The following HEATR9 variants were observed in gnomAD, a reference collection of about 807,000 sequenced individuals.
HEATR9 encodes the protein protein HEATR9.
In HEATR9, 54 loss-of-function variants were observed where a neutral mutation model predicts 68.2. The observed-to-expected ratio is 0.79, with a 90% CI of 0.64 to 0.99. The LOEUF (loss-of-function observed/expected upper bound fraction) is 0.99. Ranked by LOEUF, HEATR9 falls within the 50% of genes least tolerant of loss-of-function variation. The pLI is 0.00. For missense variants in HEATR9, 662 were observed against 679.7 expected, an observed-to-expected ratio of 0.97 and a Z score of 0.29; for synonymous variants, 241 against 253.5, an observed-to-expected ratio of 0.95 and a Z score of 0.47.
chr17:35,855,865 G>C (rs1331704434), intron 13 of HEATR9, 115 bp from the exon 14 acceptor site: 2 of 881,382 alleles, frequency 2.3e-6, no homozygotes, highest in Non-Finnish European at 3.7e-6. Context: ...GGGAGATAGG[G>C]TTTCCCAGCT....
At chr17:35,859,308 T>A (rs1380440253) in intron 8 of HEATR9, among the ~76,000 whole-genome samples, 1 of 152,184 alleles carries the variant, frequency 6.6e-6, no homozygotes, top group Non-Finnish European at 1.5e-5. Context: ...TTAATTCCTG[T>A]CATTTAAAAG....
Position 35,863,559 on chromosome 17 carries a change from C to T in HEATR9, c.568G>A (p.Ala190Thr). Residue 190 changes from alanine to threonine, a missense_variant and splice_region_variant, in exon 7 of 15, where the codon GCC (alanine) becomes ACC (threonine). Coordinates refer to ENST00000604834, the MANE Select transcript of HEATR9 (RefSeq NM_152781.4). ...KFVMEALQQV[A>T]QTGPEKVKYE... Reference sequence around the variant, plus strand: ...TTCACTTTCTCTGGACCAGTTTGGGCCTAATTTAAGAGGCGGGTGGTAGGA... The same window carrying T: ...TTCACTTTCTCTGGACCAGTTTGGGTCTAATTTAAGAGGCGGGTGGTAGGA... 1.2e-6 allele frequency: 2 copies of T among 1,614,156 alleles called. No homozygotes were observed. Among genetic ancestry groups the T allele is most frequent in the Non-Finnish European group, 1.7e-6 (2 of 1,180,022 alleles).
intron 6 of HEATR9, 24 bp from the exon 7 acceptor site, chr17:35,863,583 G>A: frequency 6.2e-7 from 1 of 1,611,802 alleles, no homozygotes; most frequent in Non-Finnish European, 8.5e-7. Flanking sequence ...CGGGTGGTAG[G>A]AACATATAAT....
Position 35,868,887 on chromosome 17 carries a change from C to A in HEATR9, c.-145G>T. 4.5e-6 allele frequency: 3 copies of A among 659,478 alleles called. No individual in the cohort carries two copies. The highest frequency in any genetic ancestry group is 1.9e-5 in the South Asian group (1 of 51,376). The allele number at this position is 659,478 out of a possible 1,614,324, so 40.9% of individuals were successfully genotyped here. A position where few individuals can be genotyped will look rare whatever the true frequency, so the allele number is the denominator to read the frequency against. ...CTGGACTTCTGGAGGTAGAAGCTTCCAAGTGCTAAGCGACCAGGTTACTTT... is the reference window on the plus strand; with the variant it reads ...CTGGACTTCTGGAGGTAGAAGCTTCAAAGTGCTAAGCGACCAGGTTACTTT... On this transcript the variant is annotated 5_prime_UTR_variant, in exon 1 of 15. Coordinates refer to ENST00000604834, the MANE Select transcript of HEATR9 (RefSeq NM_152781.4).
At chr17:35,864,194 A>G in intron 6 of HEATR9, 52 bp downstream of exon 6, 1 of 1,498,776 alleles carries the variant, frequency 6.7e-7, no homozygotes, top group Non-Finnish European at 9.3e-7. Flanking sequence ...CATGCCACAC[A>G]TCTCAGACCC....
At chr17:35,861,968 G>T (rs546730352) in intron 8 of HEATR9, among the ~76,000 whole-genome samples, 2 of 151,650 alleles carry the variant, frequency 1.3e-5, no homozygotes, top group African/African-American at 4.8e-5. Context: ...AAGCATTTCT[G>T]CCTCAGCCTC....
At position 35,865,402 on chromosome 17, in the gene HEATR9, G is replaced by T; in HGVS notation, c.139-6C>A. On this transcript the variant is annotated splice_polypyrimidine_tract_variant and splice_region_variant and intron_variant, in intron 2 of 14. Coordinates refer to ENST00000604834, the MANE Select transcript of HEATR9 (RefSeq NM_152781.4). ...GGAAACTCTTCCTTTGGCATCTGGG[G>T]GTTGCAAGTGGCAGAACAGTCAGAG... is the stretch of plus-strand genomic sequence containing the variant. The T allele has an allele frequency of 6.2e-7, 1 of 1,611,580 alleles. No homozygotes were observed. Among genetic ancestry groups the T allele is most frequent in the African/African-American group, 1.3e-5 (1 of 74,928 alleles).
Position 35,865,261 on chromosome 17 carries a change from C to T in HEATR9, c.274G>A (p.Glu92Lys). The T allele has an allele frequency of 2.5e-6, 4 of 1,614,154 alleles. No individual in the cohort carries two copies. The highest frequency in any genetic ancestry group is 3.4e-6 in the Non-Finnish European group (4 of 1,180,022). The change falls in exon 3 of 15, where the codon GAA becomes AAA. Residue 92 changes from glutamate to lysine, a missense_variant. By Grantham distance (56) the Glu-to-Lys change is moderately conservative. Transcript: ENST00000604834. ...CTCAACATCTTCTCAGCCTCCCTTT[C>T]CTCTCGCTGATCATACAGGTCGTGC... ...HWHDLYDQRE[E>K]REAEKMLRKM...
intron 8 of HEATR9, chr17:35,861,058 A>T: frequency 1.2e-6 from 1 of 829,998 alleles, no homozygotes; most frequent in Non-Finnish European, 2.1e-6. Context: ...AAAAAAAAAG[A>T]AATGGTTACA....
rs140447781 is a variant in HEATR9, at chr17:35,856,827, T to C, written c.1153-22A>G. ...CAGCCTGCAGAGGGATCAAAATGAG[T>C]CAACAGAGAGAGGGAATGCAAGGGT... On this transcript the variant is annotated intron_variant, in intron 11 of 14. Coordinates refer to ENST00000604834, the MANE Select transcript of HEATR9 (RefSeq NM_152781.4). 1.0e-4 allele frequency: 163 copies of C among 1,585,414 alleles called. 1 individual carries two copies. The African/African-American group carries it at 1.8e-3, about 17-fold the overall frequency.
At chr17:35,857,492 G>A (rs924855433) in intron 11 of HEATR9, among the ~76,000 whole-genome samples, 2 of 152,172 alleles carry the variant, frequency 1.3e-5, no homozygotes, top group African/African-American at 4.8e-5. Context: ...GGGCGCAGTG[G>A]CTCACGCCTG....
chr17:35,856,935 G>GCTTCCTCCACCAGACTAT, intron 11 of HEATR9, 130 bp from the exon 12 acceptor site: 1 of 817,706 alleles, frequency 1.2e-6, no homozygotes, highest in South Asian at 1.5e-5. Flanking sequence ...CTCATAGTCT[G>GCTTCCTCCACCAGACTAT]GTGGAGGAAG....
chr17:35,864,897 G>A lies in HEATR9; in HGVS notation c.321-7C>T. ...ATGTACCTCTTTGATGTACCTGTGT[G>A]AGAAATTGCATAGGCAGCTTTGGTC... On this transcript the variant is annotated splice_polypyrimidine_tract_variant and splice_region_variant and intron_variant, in intron 3 of 14. Transcript: ENST00000604834. 1 of 1,614,218 alleles carries A rather than the reference G, an allele frequency of 6.2e-7. No individual in the cohort carries two copies. Among genetic ancestry groups the A allele is most frequent in the East Asian group, 2.2e-5 (1 of 44,882 alleles).
In HEATR9 at chr17:35,868,758, G is replaced by A. The variant is rs778234620; in HGVS notation, c.-16C>T. On this transcript the variant is annotated 5_prime_UTR_variant, in exon 1 of 15. Coordinates refer to ENST00000604834, the MANE Select transcript of HEATR9 (RefSeq NM_152781.4). ...CATAGGCCATCTTCTTCTCCTGGTG[G>A]GGCCAGAGGGAACCTGCAGGGGGGA... 7 of 1,613,696 alleles carry A rather than the reference G, an allele frequency of 4.3e-6. No homozygotes were observed. The South Asian group carries it at 7.7e-5, about 18-fold the overall frequency.
At position 35,868,821 on chromosome 17, in the gene HEATR9, G is replaced by A. The variant is rs954234600; in HGVS notation, c.-79C>T. The A allele has an allele frequency of 3.1e-6, 4 of 1,278,294 alleles. No homozygotes were observed. Among genetic ancestry groups the A allele is most frequent in the Non-Finnish European group, 3.4e-6 (3 of 885,664 alleles). 79.2% of individuals were successfully genotyped at this position (1,278,294 alleles called of 1,614,324 possible). ...TAGGGGAGTGGGGGCACAGCTGGAGGAGACCTGTCCTCTGTGGTACGAGAG... is the reference window on the plus strand; with the variant it reads ...TAGGGGAGTGGGGGCACAGCTGGAGAAGACCTGTCCTCTGTGGTACGAGAG... On this transcript the variant is annotated 5_prime_UTR_variant, in exon 1 of 15. Transcript: ENST00000604834.
chr17:35,859,003 C>T lies in HEATR9; in HGVS notation c.824G>A (p.Ser275Asn). Residue 275 changes from serine to asparagine, a missense_variant, in exon 9 of 15, where the codon AGT (serine) becomes AAT (asparagine). Transcript: ENST00000604834. The stretch of plus-strand genomic sequence containing the variant: ...CAGGGCTGCCTCCAGAGATGCTTCA[C>T]TGGACGACTTCTTGATCAGTGTCTG... ...VLQTLIKKSS[S>N]EASLEAALCL... The T allele has an allele frequency of 1.2e-6, 2 of 1,614,218 alleles. No individual in the cohort carries two copies. Among genetic ancestry groups the T allele is most frequent in the South Asian group, 2.2e-5 (2 of 91,082 alleles).
intron 13 of HEATR9, 33 bp downstream of exon 13, chr17:35,856,140 G>A: frequency 6.2e-7 from 1 of 1,605,218 alleles, no homozygotes; most frequent in Non-Finnish European, 8.5e-7. Flanking sequence ...CATCAACACA[G>A]GAATTGGGTC....
At position 35,861,186 on chromosome 17, in the gene HEATR9, G is replaced by A. The variant is rs2087978595; in HGVS notation, c.756+1809C>T. On this transcript the variant is annotated intron_variant, in intron 8 of 14. Transcript: ENST00000604834. ...CTCGGATAAGATGGATGTTTTGCTTGACTTCTTTGATATCCTGAACTTTCT... is the reference window on the plus strand; with the variant it reads ...CTCGGATAAGATGGATGTTTTGCTTAACTTCTTTGATATCCTGAACTTTCT... 2.5e-6 allele frequency: 4 copies of A among 1,600,186 alleles called. No individual in the cohort carries two copies. The African/African-American group carries it at 5.4e-5, about 21-fold the overall frequency.
Position 35,858,971 on chromosome 17 carries a change from C to T in HEATR9, c.856G>A (p.Gly286Ser). ...EASLEAALCL[G>S]FLRPCSNMVQ... is the part of the protein sequence containing the mutation. ...ATGTTGCTGCAAGGCCTCAGGAAACCCAGGCACAGGGCTGCCTCCAGAGAT... is the reference window on the plus strand; with the variant it reads ...ATGTTGCTGCAAGGCCTCAGGAAACTCAGGCACAGGGCTGCCTCCAGAGAT... Residue 286 changes from glycine to serine, a missense_variant, in exon 9 of 15, where the codon GGT becomes AGT. Physicochemically the swap from Gly to Ser is moderately conservative, Grantham distance 56 (BLOSUM62 0). Coordinates refer to ENST00000604834, the MANE Select transcript of HEATR9 (RefSeq NM_152781.4). 2 of 1,614,138 alleles carry T rather than the reference C, an allele frequency of 1.2e-6. No homozygotes were observed. The highest frequency in any genetic ancestry group is 8.5e-7 in the Non-Finnish European group (1 of 1,180,040).
Sources: allele counts gnomAD v4.1 joint callset (sites outside exome capture counted in the v4.1 genomes callset), GRCh38; gene constraint gnomAD v4.1.1; transcripts MANE v1.5; gene names NCBI Gene and HGNC (gene_info 2026-07-23, HGNC 2026-07-21).